The following MALRD1 variants were observed in gnomAD, a reference collection of about 807,000 sequenced individuals.
MALRD1 encodes the protein MAM and LDL receptor class A domain containing 1, also known as MAM and LDL-receptor class A domain-containing protein 1.
Under a neutral mutation model 242.1 loss-of-function variants are expected in MALRD1, and 247 were observed. The observed-to-expected ratio is 1.02, with a 90% CI of 0.92 to 1.13. The LOEUF (loss-of-function observed/expected upper bound fraction) is 1.13. Ranked by LOEUF, MALRD1 falls within the 50% of genes most tolerant of loss-of-function variation. The pLI is 0.00. For missense variants in MALRD1, 2,989 were observed against 2,533.1 expected, an observed-to-expected ratio of 1.18 and a Z score of -3.86; for synonymous variants, 995 against 866.6, an observed-to-expected ratio of 1.15 and a Z score of -2.60.
chr10:19,273,277 C>T (rs10763913), intron 19 of MALRD1, among the ~76,000 whole-genome samples: 19,965 of 152,110 alleles, frequency 0.13, 1,648 homozygotes, highest in Admixed American at 0.27. Flanking sequence ...CAGGAATTCA[C>T]GTTCATTGCT....
intron 7 of MALRD1, among the ~76,000 whole-genome samples, chr10:19,127,533 T>A (rs1245469318): frequency 1.3e-5 from 2 of 152,164 alleles, no homozygotes; most frequent in Non-Finnish European, 2.9e-5. Context: ...TTCAGTAGCA[T>A]GAAGAAGCAA....
At chr10:19,191,799 A>G (rs1835987068) in intron 14 of MALRD1, among the ~76,000 whole-genome samples, 1 of 152,116 alleles carries the variant, frequency 6.6e-6, no homozygotes, top group African/African-American at 2.4e-5. Flanking sequence ...GGAGTTTGAG[A>G]CCAGCATGGC....
At chr10:19,536,925 A>G (rs1834709319) in intron 32 of MALRD1, among the ~76,000 whole-genome samples, 1 of 152,170 alleles carries the variant, frequency 6.6e-6, no homozygotes, top group African/African-American at 2.4e-5. Context: ...TAATGGTAAG[A>G]AAGCCCCTCT....
At chr10:19,278,407 T>A (rs1212783696) in intron 19 of MALRD1, among the ~76,000 whole-genome samples, 1 of 152,124 alleles carries the variant, frequency 6.6e-6, no homozygotes, top group Non-Finnish European at 1.5e-5. Context: ...CCATTTGTTA[T>A]TTTATTCATT....
chr10:19,705,760 A>AT (rs966167736), intron 38 of MALRD1, among the ~76,000 whole-genome samples: 46 of 131,418 alleles, frequency 3.5e-4, no homozygotes, highest in African/African-American at 1.1e-3. Flanking sequence ...CTGATCTCTG[A>AT]TTTTTTCCTT....
At chr10:19,204,729 C>A (rs938608750) in intron 16 of MALRD1, among the ~76,000 whole-genome samples, 169 bp from the exon 17 acceptor site, 1 of 152,034 alleles carries the variant, frequency 6.6e-6, no homozygotes, top group Non-Finnish European at 1.5e-5. Flanking sequence ...AGAGTGTGTG[C>A]CTCAGTAGAT....
At chr10:19,253,993 CT>C (rs1160950589) in intron 18 of MALRD1, among the ~76,000 whole-genome samples, 1 of 151,946 alleles carries the variant, frequency 6.6e-6, no homozygotes, top group East Asian at 1.9e-4. Flanking sequence ...GTGTCTCATT[CT>C]CTCTCCTGTC....
At chr10:19,235,059 C>G (rs536651882) in intron 18 of MALRD1, among the ~76,000 whole-genome samples, 43 of 152,180 alleles carry the variant, frequency 2.8e-4, no homozygotes, top group Middle Eastern at 6.8e-3. Context: ...AGGGCTAGAC[C>G]AGTAGCCAGA....
chr10:19,199,560 A>C (rs906539598), intron 14 of MALRD1, among the ~76,000 whole-genome samples: 5 of 152,070 alleles, frequency 3.3e-5, no homozygotes, highest in African/African-American at 1.2e-4. Flanking sequence ...CAGTACTTTG[A>C]GAGGCCCAGG....
rs572532307 is a variant in MALRD1 at position 19,583,996 on chromosome 10, TC to T, written c.5681-11197del. On this transcript the variant is annotated intron_variant, in intron 33 of 39. Coordinates refer to ENST00000454679, the MANE Select transcript of MALRD1 (RefSeq NM_001142308.3). ...GAATTTATGCATTTCTTCTAGATTT[TC>T]TAGTTTATTTGTGTAGAGGCGTTTG... 3.0e-3 allele frequency among the ~76,000 whole-genome samples: 452 copies of T among 152,240 alleles called. 1 individual carries two copies. The highest frequency in any genetic ancestry group is 0.01 in the African/African-American group (434 of 41,528).
At chr10:19,549,296 G>T (rs1220683038) in intron 32 of MALRD1, among the ~76,000 whole-genome samples, 4 of 152,202 alleles carry the variant, frequency 2.6e-5, no homozygotes, top group Non-Finnish European at 5.9e-5. Flanking sequence ...GCAGCAGGTT[G>T]GAGGAGGATT....
At chr10:19,277,539 A>G (rs192441346) in intron 19 of MALRD1, among the ~76,000 whole-genome samples, 2 of 152,126 alleles carry the variant, frequency 1.3e-5, no homozygotes, top group South Asian at 2.1e-4. Flanking sequence ...TTTCTTTTTA[A>G]TGTTTACTAG....
intron 2 of MALRD1, among the ~76,000 whole-genome samples, chr10:19,087,110 AT>A (rs1487005715): frequency 1.3e-5 from 2 of 151,968 alleles, no homozygotes; most frequent in Non-Finnish European, 2.9e-5. Context: ...GTTAGAAGTG[AT>A]TTCTTTGAAA....
chr10:19,107,883 T>C (rs986873978), intron 5 of MALRD1, among the ~76,000 whole-genome samples: 1 of 152,090 alleles, frequency 6.6e-6, no homozygotes, highest in Non-Finnish European at 1.5e-5. Flanking sequence ...CAACTTAAAT[T>C]TGGTTGCATG....
At chr10:19,141,165 T>C (rs961572749) in intron 10 of MALRD1, among the ~76,000 whole-genome samples, 1 of 152,206 alleles carries the variant, frequency 6.6e-6, no homozygotes, top group African/African-American at 2.4e-5. Context: ...ATGCCAAACA[T>C]GTCCAAAGAT....
chr10:19,539,921 C>T lies in MALRD1; in HGVS notation c.5478+8570C>T, dbSNP rs1223800528. ...GTGCGCGCGCGCGTGCGCGCACACA[C>T]GCGCAGTGATGGGGTTTTGCCATGT... On this transcript the variant is annotated intron_variant, in intron 32 of 39. Transcript: ENST00000454679. Among the ~76,000 whole-genome samples, 290 of 34,422 alleles carry T rather than the reference C, an allele frequency of 8.4e-3. 4 individuals carry two copies. The highest frequency in any genetic ancestry group is 0.014 in the African/African-American group (275 of 19,826). The allele number at this position is 34,422 out of a possible 152,430, so 22.6% of individuals were successfully genotyped here.
chr10:19,565,499 C>A (rs951295766), intron 32 of MALRD1, among the ~76,000 whole-genome samples: 2 of 151,982 alleles, frequency 1.3e-5, no homozygotes, highest in Non-Finnish European at 2.9e-5. Flanking sequence ...GGATGTAAAC[C>A]AAGATTTGTG....
intron 21 of MALRD1, among the ~76,000 whole-genome samples, chr10:19,314,866 T>C (rs776079870): frequency 2.0e-5 from 3 of 151,248 alleles, no homozygotes; most frequent in Non-Finnish European, 3.0e-5. Flanking sequence ...AGTGCCGGTC[T>C]CTTGATCGTT....
chr10:19,159,919 T>C (rs1253468420), intron 12 of MALRD1, among the ~76,000 whole-genome samples: 2 of 152,086 alleles, frequency 1.3e-5, no homozygotes, highest in Admixed American at 1.3e-4. Flanking sequence ...AGAAATAATT[T>C]AAAATCATAA....
Sources: allele counts gnomAD v4.1 joint callset (sites outside exome capture counted in the v4.1 genomes callset), GRCh38; gene constraint gnomAD v4.1.1; transcripts MANE v1.5; gene names NCBI Gene and HGNC (gene_info 2026-07-23, HGNC 2026-07-21).